KATNBL1: variants seen among roughly 807,000 people sequenced by gnomAD.
The protein encoded by KATNBL1 is KATNB1-like protein 1.
KATNBL1 carries 28 observed loss-of-function variants against 44.7 expected under a neutral mutation model. That is an observed-to-expected ratio of 0.63 (90% CI 0.46 to 0.86). The LOEUF (loss-of-function observed/expected upper bound fraction) is 0.86. Among genes scored for constraint, KATNBL1 ranks in the 40% least tolerant of loss-of-function variants. The pLI is 0.00. For synonymous variants in KATNBL1, 78 were observed against 114.9 expected (o/e 0.68, Z 2.06); for missense variants, 272 against 350.7 (o/e 0.78, Z 1.79).
intron 1 of KATNBL1, among the ~76,000 whole-genome samples, chr15:34,170,343 A>T (rs1889121550): frequency 6.6e-6 from 1 of 152,180 alleles, no homozygotes; most frequent in Non-Finnish European, 1.5e-5. Context: ...CACAATTGCT[A>T]CAAAGAGAAT....
chr15:34,199,452 T>G (rs182452613), intron 1 of KATNBL1: 40 of 152,180 alleles, frequency 2.6e-4, no homozygotes, highest in African/African-American at 7.9e-4. Flanking sequence ...AATGACAGAC[T>G]ATAGATTTAC....
chr15:34,193,444 G>C (rs1419425306), intron 1 of KATNBL1, among the ~76,000 whole-genome samples: 1 of 151,494 alleles, frequency 6.6e-6, no homozygotes, highest in African/African-American at 2.4e-5. Flanking sequence ...TGAGACACAA[G>C]AATCGCCTGA....
intron 9 of KATNBL1, 195 bp from the exon 10 acceptor site, chr15:34,142,566 T>G (rs146795518): frequency 3.8e-4 from 194 of 505,578 alleles, no homozygotes; most frequent in Non-Finnish European, 6.4e-4. Flanking sequence ...GTGCTCAATA[T>G]ATATTTGCTA....
chr15:34,171,739 T>C (rs775629260), intron 1 of KATNBL1, among the ~76,000 whole-genome samples: 1 of 152,110 alleles, frequency 6.6e-6, no homozygotes, highest in African/African-American at 2.4e-5. Context: ...ATATATATCA[T>C]GGAATACTAC....
chr15:34,171,817 T>G (rs536208266), intron 1 of KATNBL1, among the ~76,000 whole-genome samples: 5 of 152,026 alleles, frequency 3.3e-5, no homozygotes, highest in Non-Finnish European at 5.9e-5. Flanking sequence ...ACGATCATTT[T>G]CAGCAAACTA....
At chr15:34,174,035 A>G (rs1889251117) in intron 1 of KATNBL1, among the ~76,000 whole-genome samples, 1 of 152,224 alleles carries the variant, frequency 6.6e-6, no homozygotes, top group South Asian at 2.1e-4. Flanking sequence ...GAGACAGAAA[A>G]TGGTGAGCAA....
rs71119940 is a variant in KATNBL1 at position 34,175,113 on chromosome 15, A to AACAC, written c.-14-11427_-14-11424dup. ...AAAATAATACAAATGTAAAATAAGC[A>AACAC]ACACACACACACACACACACACACA... On this transcript the variant is annotated intron_variant, in intron 1 of 9. Transcript: ENST00000256544. Among the ~76,000 whole-genome samples the AACAC allele has an allele frequency of 3.1e-3, 450 of 143,758 alleles. 5 individuals carry two copies. The highest frequency in any genetic ancestry group is 8.9e-3 in the African/African-American group (341 of 38,418). The allele number at this position is 143,758 out of a possible 152,430, so 94.3% of individuals were successfully genotyped here. A position where few individuals can be genotyped will look rare whatever the true frequency, so the allele number is the denominator to read the frequency against.
intron 9 of KATNBL1, among the ~76,000 whole-genome samples, chr15:34,143,776 T>C (rs1477388101): frequency 7.8e-6 from 1 of 128,142 alleles, no homozygotes; most frequent in African/African-American, 3.1e-5. Flanking sequence ...GGTGAAACCC[T>C]GTCTCTACTA....
chr15:34,169,643 G>A (rs6495580), intron 1 of KATNBL1, among the ~76,000 whole-genome samples: 7 of 151,932 alleles, frequency 4.6e-5, no homozygotes, highest in African/African-American at 1.5e-4. Flanking sequence ...CAAAAAAAGA[G>A]AATTTTAGAC....
Position 34,148,661 on chromosome 15 carries a change from A to G in KATNBL1, c.528T>C (p.Ser176=), listed in dbSNP as rs766388640. 6.3e-7 allele frequency: 1 copy of G among 1,598,480 alleles called. No homozygotes were observed. ...NVALTFWRKR[S]ISELVAYLLR... is the part of the protein sequence containing the mutation. ...ACAAATAAGCTACAAGTTCACTTAT[A>G]CTTCTCTTTCTCCAGAAAGTTAAAG... Residue 176 remains serine, a synonymous_variant, in exon 5 of 10, where the codon AGT becomes AGC. Coordinates refer to ENST00000256544, the MANE Select transcript of KATNBL1 (RefSeq NM_024713.3).
chr15:34,145,146 C>A, intron 9 of KATNBL1: 1 of 1,237,406 alleles, frequency 8.1e-7, no homozygotes. Context: ...CTGATTAAAA[C>A]CCTCTGTAAA....
chr15:34,198,324 C>G (rs899128254), intron 1 of KATNBL1: 2 of 152,146 alleles, frequency 1.3e-5, no homozygotes, highest in Non-Finnish European at 2.9e-5. Context: ...ACCATCATCC[C>G]ATAGTTTCTA....
At chr15:34,202,162 A>C (rs1391501182) in intron 1 of KATNBL1, among the ~76,000 whole-genome samples, 4 of 152,232 alleles carry the variant, frequency 2.6e-5, no homozygotes, top group African/African-American at 4.8e-5. Flanking sequence ...TTGTTTGCCT[A>C]CTAAAGGTAT....
chr15:34,166,441 C>T (rs561174407), intron 1 of KATNBL1, among the ~76,000 whole-genome samples: 2 of 152,340 alleles, frequency 1.3e-5, no homozygotes, highest in East Asian at 1.9e-4. Context: ...GGGGGAAGCT[C>T]GAACTGGGCA....
Position 34,142,139 on chromosome 15 carries a change from C to A in KATNBL1, c.*200G>T, listed in dbSNP as rs1394366430. ...CACCTCAATGAAATTGAAGCTGCTC[C>A]TTTTGGATATTTTTCCACTTCAATG... On this transcript the variant is annotated 3_prime_UTR_variant, in exon 10 of 10. Coordinates refer to ENST00000256544, the MANE Select transcript of KATNBL1 (RefSeq NM_024713.3). 11 of 446,952 alleles carry A rather than the reference C, an allele frequency of 2.5e-5. No individual in the cohort carries two copies. Among genetic ancestry groups the A allele is most frequent in the Non-Finnish European group, 3.9e-5 (10 of 256,070 alleles). 27.7% of individuals were successfully genotyped at this position (446,952 alleles called of 1,614,324 possible). A position where few individuals can be genotyped will look rare whatever the true frequency, so the allele number is the denominator to read the frequency against.
rs548562441 is a variant in KATNBL1 at position 34,140,778 on chromosome 15, C to T, written c.*1561G>A. ...CTGAAAACTGGCCTCTTAAATAACT[C>T]ACCTCTCAAATCACAGACGTGCAAT... On this transcript the variant is annotated 3_prime_UTR_variant, in exon 10 of 10. Transcript: ENST00000256544. 1.3e-5 allele frequency: 2 copies of T among 152,236 alleles called. No individual in the cohort carries two copies. Among genetic ancestry groups the T allele is most frequent in the East Asian group, 3.9e-4 (2 of 5,186 alleles). 9.4% of individuals were successfully genotyped at this position (152,236 alleles called of 1,614,324 possible).
Position 34,154,648 on chromosome 15 carries a change from T to C in KATNBL1, c.154A>G (p.Asn52Asp), listed in dbSNP as rs1888582488. The change falls in exon 3 of 10, where the codon AAT becomes GAT. Residue 52 changes from asparagine to aspartate, a missense_variant. By Grantham distance (23) the Asn-to-Asp change is conservative. This residue lies in a region of KATNBL1 where 122 missense variants were observed against 125.0 expected (regional missense o/e 0.98). Transcript: ENST00000256544. ...AAACTTTAAAGAAACTCTTACCTAT[T>C]TATGTAAGCAGCCAACTGTTTTGGA... ...KSPKQLAAYI[N>D]RTVGQTVKSP... is the part of the protein sequence containing the mutation. 3.2e-6 allele frequency: 5 copies of C among 1,576,232 alleles called. No homozygotes were observed. The highest frequency in any genetic ancestry group is 4.4e-6 in the Non-Finnish European group (5 of 1,145,654).
chr15:34,144,952 A>C (rs903701705), intron 9 of KATNBL1: 1 of 469,082 alleles, frequency 2.1e-6, no homozygotes, highest in Non-Finnish European at 2.8e-6. Context: ...ATCAATAAAG[A>C]CCAAAGTCAA....
In KATNBL1 at chr15:34,151,435, A is replaced by ATTTTTT. The variant is rs1491367010; in HGVS notation, c.438+1354_438+1355insAAAAAA. On this transcript the variant is annotated intron_variant, in intron 4 of 9. Transcript: ENST00000256544. ...AAAGTGTCTATTGTGTCCTTTGCCT[A>ATTTTTT]CTTTTTTTTTTTTTTTTTTTTTTTT... is the stretch of plus-strand genomic sequence containing the variant. Among the ~76,000 whole-genome samples the ATTTTTT allele has an allele frequency of 7.2e-4, 46 of 63,830 alleles. 6 individuals are homozygous for ATTTTTT. Among genetic ancestry groups the ATTTTTT allele is most frequent in the Middle Eastern group, 0.01 (1 of 98 alleles). 41.9% of individuals were successfully genotyped at this position (63,830 alleles called of 152,430 possible). A position where few individuals can be genotyped will look rare whatever the true frequency, so the allele number is the denominator to read the frequency against.
Sources: gnomAD v4.1 joint callset for allele counts (sites outside exome capture counted in the v4.1 genomes callset) on GRCh38, gnomAD v4.1.1 for gene constraint, gnomAD v4.1.1 regional missense constraint, MANE v1.5 for transcripts, NCBI Gene and HGNC (gene_info 2026-07-23, HGNC 2026-07-21) for gene names.